The following ZHX1 variants were observed in gnomAD, a reference collection of about 807,000 sequenced individuals.
ZHX1 encodes zinc fingers and homeoboxes protein 1.
ZHX1 carries 20 observed loss-of-function variants against 61.8 expected under a neutral mutation model. The ratio of observed to expected loss-of-function variants is 0.32; its 90% CI spans 0.23 to 0.47. The LOEUF (loss-of-function observed/expected upper bound fraction) is 0.47. Ranked by LOEUF, ZHX1 falls within the 20% of genes least tolerant of loss-of-function variation. The probability of loss-of-function intolerance (pLI) is 1.00; values close to 1 mark genes in which losing one functional copy is unlikely to be tolerated. For synonymous variants in ZHX1, 318 were observed against 352.6 expected (o/e 0.90, Z 1.10); for missense variants, 800 against 1,034.8 (o/e 0.77, Z 3.11).
At chr8:123,264,372 T>C (rs75507369) in intron 2 of ZHX1, among the ~76,000 whole-genome samples, 1,716 of 152,266 alleles carry the variant, frequency 0.011, 32 homozygotes, top group African/African-American at 0.038. Flanking sequence ...TCAAATTCTA[T>C]GCTTACCCAC....
chr8:123,266,074 T>C (rs1826444996), intron 2 of ZHX1, among the ~76,000 whole-genome samples: 1 of 152,208 alleles, frequency 6.6e-6, no homozygotes, highest in Non-Finnish European at 1.5e-5. Flanking sequence ...ATCCTAGTTT[T>C]CTCCCCACAG....
chr8:123,255,512 T>C lies in ZHX1; in HGVS notation c.435A>G (p.Glu145=). Residue 145 remains glutamate, a synonymous_variant, in exon 3 of 4, where the codon GAA becomes GAG. Coordinates refer to ENST00000395571, the MANE Select transcript of ZHX1 (RefSeq NM_007222.5). ...MVKRNNQTIF[E]QTINDLTFDG... ...CAAAAGTCAGATCATTTATTGTTTGTTCAAAGATTGTCTGGTTATTACGTT... is the reference window on the plus strand; with the variant it reads ...CAAAAGTCAGATCATTTATTGTTTGCTCAAAGATTGTCTGGTTATTACGTT... 4 of 1,613,652 alleles carry C rather than the reference T, an allele frequency of 2.5e-6. No homozygotes were observed. The highest frequency in any genetic ancestry group is 3.4e-6 in the Non-Finnish European group (4 of 1,180,012).
At position 123,248,990 on chromosome 8, in the gene ZHX1, T is replaced by C. The variant is rs1825846388; in HGVS notation, c.*1334A>G. The C allele has an allele frequency of 6.6e-6, 1 of 152,548 alleles. No homozygotes were observed. Among genetic ancestry groups the C allele is most frequent in the African/African-American group, 2.4e-5 (1 of 41,454 alleles). The allele number at this position is 152,548 out of a possible 1,614,324, so 9.4% of individuals were successfully genotyped here. A position where few individuals can be genotyped will look rare whatever the true frequency, so the allele number is the denominator to read the frequency against. On this transcript the variant is annotated 3_prime_UTR_variant, in exon 4 of 4. Transcript: ENST00000395571. ...TTAAAAAATAAAAAGTTTATAAAAA[T>C]GAAAGCAGCATGCATATTCAAGGCT...
In ZHX1 at chr8:123,250,279, T is replaced by C. The variant is rs1825882964; in HGVS notation, c.*45A>G. 2.2e-6 allele frequency: 1 copy of C among 445,358 alleles called. No individual in the cohort carries two copies. The highest frequency in any genetic ancestry group is 1.6e-5 in the South Asian group (1 of 62,230). The allele number at this position is 445,358 out of a possible 1,614,324, so 27.6% of individuals were successfully genotyped here. ...GGGCAAATTCACAGTAAATCAGACA[T>C]CTTGAGTTGAAGAATTGATTCTCCT... On this transcript the variant is annotated 3_prime_UTR_variant, in exon 4 of 4. Coordinates refer to ENST00000395571, the MANE Select transcript of ZHX1 (RefSeq NM_007222.5).
chr8:123,265,096 G>A (rs1826412522), intron 2 of ZHX1, among the ~76,000 whole-genome samples: 1 of 151,110 alleles, frequency 6.6e-6, no homozygotes, highest in African/African-American at 2.4e-5. Flanking sequence ...GGTTGAGGCA[G>A]GAGAATCGCT....
intron 3 of ZHX1, chr8:123,252,836 T>C (rs1825956771): frequency 6.6e-6 from 1 of 152,400 alleles, no homozygotes; most frequent in Admixed American, 6.5e-5. Flanking sequence ...CATTTTCACC[T>C]AGTTTCCTAA....
chr8:123,266,913 T>C (rs1163213551), intron 2 of ZHX1, among the ~76,000 whole-genome samples: 3 of 152,212 alleles, frequency 2.0e-5, no homozygotes, highest in African/African-American at 4.8e-5. Context: ...GGCAAAAGCA[T>C]AGCAAAATTT....
intron 2 of ZHX1, chr8:123,257,046 G>C (rs1826092811): frequency 6.6e-6 from 1 of 152,066 alleles, no homozygotes; most frequent in Non-Finnish European, 1.5e-5. Context: ...AGCCTCCTGA[G>C]TAGCTGGGAT....
chr8:123,253,796 A>T lies in ZHX1; in HGVS notation c.2151T>A (p.Asn717Lys). Residue 717 changes from asparagine to lysine, a missense_variant, in exon 3 of 4, where the codon AAT becomes AAA. Transcript: ENST00000395571. ...WFGDTRYAWK[N>K]GNLKWYYYYQ... ...AGTAGTAGTACCATTTCAAGTTTCCATTCTTCCAAGCATAACGGGTGTCCC... is the reference window on the plus strand; with the variant it reads ...AGTAGTAGTACCATTTCAAGTTTCCTTTCTTCCAAGCATAACGGGTGTCCC... The T allele has an allele frequency of 6.2e-7, 1 of 1,614,162 alleles. No individual in the cohort carries two copies.
chr8:123,264,531 C>T (rs1021374528), intron 2 of ZHX1, among the ~76,000 whole-genome samples: 2 of 152,110 alleles, frequency 1.3e-5, no homozygotes, highest in African/African-American at 2.4e-5. Flanking sequence ...CAAAAGCATG[C>T]TATTTGGTAA....
chr8:123,274,469 GC>G (rs1489504942), upstream of ZHX1: 2 of 152,106 alleles, frequency 1.3e-5, no homozygotes, highest in African/African-American at 4.8e-5. Context: ...CCAAGGCGGG[GC>G]CCTCCCGCGC....
intron 1 of ZHX1, among the ~76,000 whole-genome samples, chr8:123,272,079 A>C (rs1306148224): frequency 2.0e-5 from 3 of 152,262 alleles, no homozygotes; most frequent in Non-Finnish European, 4.4e-5. Context: ...AATGTTCCAA[A>C]TGTAAAGTTC....
At chr8:123,264,971 C>G (rs1369403879) in intron 2 of ZHX1, among the ~76,000 whole-genome samples, 1 of 150,048 alleles carries the variant, frequency 6.7e-6, no homozygotes, top group East Asian at 2.0e-4. Flanking sequence ...GGTGGATCAC[C>G]TGAGGTCAGG....
chr8:123,263,269 C>G (rs1043408898), intron 2 of ZHX1, among the ~76,000 whole-genome samples: 1 of 151,862 alleles, frequency 6.6e-6, no homozygotes, highest in Non-Finnish European at 1.5e-5. Flanking sequence ...TATCTGTATA[C>G]TGGATCTTCT....
chr8:123,261,833 A>G (rs552494417), intron 2 of ZHX1, among the ~76,000 whole-genome samples: 10 of 152,184 alleles, frequency 6.6e-5, no homozygotes, highest in Non-Finnish European at 1.3e-4. Flanking sequence ...TTAGCAACTT[A>G]ATCAGCTGAA....
intron 1 of ZHX1, among the ~76,000 whole-genome samples, chr8:123,270,128 G>A (rs1826596078): frequency 6.6e-6 from 1 of 152,076 alleles, no homozygotes; most frequent in South Asian, 2.1e-4. Flanking sequence ...CCACTCCCAA[G>A]TATAGCCCAT....
chr8:123,264,629 G>A (rs1826390825), intron 2 of ZHX1, among the ~76,000 whole-genome samples: 2 of 152,002 alleles, frequency 1.3e-5, no homozygotes, highest in Non-Finnish European at 1.5e-5. Flanking sequence ...GGCAATCTCG[G>A]CTCACTGCAA....
chr8:123,271,468 TAAGTA>T (rs1563816662), intron 1 of ZHX1, among the ~76,000 whole-genome samples: 2 of 152,170 alleles, frequency 1.3e-5, no homozygotes, highest in African/African-American at 2.4e-5. Context: ...ACTGTTTATT[TAAGTA>T]AAGTCTTTGG....
At position 123,249,398 on chromosome 8, in the gene ZHX1, TATAAA is replaced by T. The variant is rs1189040803; in HGVS notation, c.*921_*925del. The T allele has an allele frequency of 6.6e-6, 1 of 152,180 alleles. No individual in the cohort carries two copies. Among genetic ancestry groups the T allele is most frequent in the African/African-American group, 2.4e-5 (1 of 41,468 alleles). The allele number at this position is 152,180 out of a possible 1,614,324, so 9.4% of individuals were successfully genotyped here. A position where few individuals can be genotyped will look rare whatever the true frequency, so the allele number is the denominator to read the frequency against. On this transcript the variant is annotated 3_prime_UTR_variant, in exon 4 of 4. Coordinates refer to ENST00000395571, the MANE Select transcript of ZHX1 (RefSeq NM_007222.5). ...TTTTTTCTCTATTCACTGAAACTGT[TATAAA>T]ATTTCACTGAAAGATAACTCTTAAA... is the stretch of plus-strand genomic sequence containing the variant.
Sources: gnomAD v4.1 joint callset for allele counts (sites outside exome capture counted in the v4.1 genomes callset) on GRCh38, gnomAD v4.1.1 for gene constraint, MANE v1.5 for transcripts, NCBI Gene and HGNC (gene_info 2026-07-23, HGNC 2026-07-21) for gene names.